PRDM16: variants seen among roughly 807,000 people sequenced by gnomAD.
The protein encoded by PRDM16 is PR/SET domain 16, also known as histone-lysine N-methyltransferase PRDM16.
PRDM16 carries 23 observed loss-of-function variants against 110.6 expected under a neutral mutation model. The ratio of observed to expected loss-of-function variants is 0.21; its 90% confidence interval spans 0.15 to 0.29. The LOEUF is 0.29. Among genes scored for constraint, PRDM16 ranks in the 10% least tolerant of loss-of-function variants. The probability of loss-of-function intolerance (pLI) is 1.00; values close to 1 mark genes in which losing one functional copy is unlikely to be tolerated. For synonymous variants in PRDM16, 799 were observed against 781.8 expected (o/e 1.02, Z -0.37); for missense variants, 1,615 against 1,794.3 (o/e 0.90, Z 1.81).
At chr1:3,262,107 T>C (rs1640176459) in intron 3 of PRDM16, among the ~76,000 whole-genome samples, 2 of 152,224 alleles carry the variant, frequency 1.3e-5, no homozygotes, top group African/African-American at 4.8e-5. Flanking sequence ...GTAGTACCCA[T>C]TCTACAGGTG....
chr1:3,399,942 T>C (rs1336394202), intron 5 of PRDM16, among the ~76,000 whole-genome samples: 2 of 152,164 alleles, frequency 1.3e-5, no homozygotes, highest in African/African-American at 4.8e-5. Flanking sequence ...GCTTCCCAGG[T>C]CTGCGGGTTG....
chr1:3,135,967 G>C (rs1033869549), intron 1 of PRDM16, among the ~76,000 whole-genome samples: 2 of 152,168 alleles, frequency 1.3e-5, no homozygotes, highest in African/African-American at 2.4e-5. Flanking sequence ...GGAGAGCCTG[G>C]GCGTCTCCCT....
chr1:3,099,547 G>C (rs1167933942), intron 1 of PRDM16, among the ~76,000 whole-genome samples: 1 of 152,250 alleles, frequency 6.6e-6, no homozygotes, highest in African/African-American at 2.4e-5. Flanking sequence ...GGACTGGCTG[G>C]TGCTGGGCTG....
intron 1 of PRDM16, among the ~76,000 whole-genome samples, chr1:3,105,625 G>A (rs1442041856): frequency 6.6e-6 from 1 of 152,230 alleles, no homozygotes; most frequent in Admixed American, 6.5e-5. Flanking sequence ...TTAGTATTGC[G>A]GGATGAATAG....
intron 14 of PRDM16, among the ~76,000 whole-genome samples, chr1:3,428,480 G>A (rs971230603): frequency 2.0e-5 from 3 of 152,204 alleles, no homozygotes; most frequent in African/African-American, 7.2e-5. Context: ...GGGCACAGCC[G>A]GCCTCAGACG....
chr1:3,297,280 ATT>A (rs34666813), intron 3 of PRDM16, among the ~76,000 whole-genome samples: 50,534 of 120,818 alleles, frequency 0.42, 10,270 homozygotes, highest in Non-Finnish European at 0.5. Context: ...GGTGAGAGGA[ATT>A]TTTTTTTTTT....
intron 2 of PRDM16, among the ~76,000 whole-genome samples, chr1:3,241,001 C>T (rs1639659066): frequency 1.3e-5 from 2 of 152,222 alleles, no homozygotes; most frequent in Admixed American, 1.3e-4. Context: ...GAGGAGCCAG[C>T]GGCGCGTGTG....
rs538691973 is a variant in PRDM16, at chr1:3,265,943, G to C, written c.438+21806G>C. ...GGTGCGTGTCTCATAAAGCCCAGGA[G>C]GGCGAGGCCAGGCCCAGCCCCCAAC... is the stretch of plus-strand genomic sequence containing the variant. On this transcript the variant is annotated intron_variant, in intron 3 of 16. Transcript: ENST00000270722. The surrounding 1 kb of genome is among the most constrained non-coding windows in gnomAD (Gnocchi z 4.5). Among the ~76,000 whole-genome samples, 2 of 152,116 alleles carry C rather than the reference G, an allele frequency of 1.3e-5. No homozygotes were observed. The highest frequency in any genetic ancestry group is 6.5e-5 in the Admixed American group (1 of 15,286).
At chr1:3,129,013 T>C (rs1452844486) in intron 1 of PRDM16, among the ~76,000 whole-genome samples, 1 of 152,154 alleles carries the variant, frequency 6.6e-6, no homozygotes, top group Non-Finnish European at 1.5e-5. Flanking sequence ...GTGTGGTCGC[T>C]GCTCCCCTAG....
At chr1:3,231,101 T>C (rs138580752) in intron 2 of PRDM16, among the ~76,000 whole-genome samples, 140 of 152,304 alleles carry the variant, frequency 9.2e-4, no homozygotes, top group African/African-American at 3.2e-3. Context: ...GCCTCCAATG[T>C]AAAAGTCCAG....
chr1:3,243,709 G>A lies in PRDM16; in HGVS notation c.388-378G>A, dbSNP rs954011744. Among the ~76,000 whole-genome samples, 6 of 152,212 alleles carry A rather than the reference G, an allele frequency of 3.9e-5. No homozygotes were observed. The highest frequency in any genetic ancestry group is 1.4e-4 in the African/African-American group (6 of 41,444). On this transcript the variant is annotated intron_variant, in intron 2 of 16. Coordinates refer to ENST00000270722, the MANE Select transcript of PRDM16 (RefSeq NM_022114.4). The surrounding 1 kb of genome is among the most constrained non-coding windows in gnomAD (Gnocchi z 5.5). The stretch of plus-strand genomic sequence containing the variant: ...CAAATAGAGTCTGTTCACCATCCAG[G>A]GTGTCCATGCGCTCCTCCCAGATGG...
chr1:3,246,438 G>A lies in PRDM16; in HGVS notation c.438+2301G>A, dbSNP rs1402399513. Among the ~76,000 whole-genome samples the A allele has an allele frequency of 2.0e-5, 3 of 152,190 alleles. No homozygotes were observed. Among genetic ancestry groups the A allele is most frequent in the Admixed American group, 6.5e-5 (1 of 15,290 alleles). On this transcript the variant is annotated intron_variant, in intron 3 of 16. Coordinates refer to ENST00000270722, the MANE Select transcript of PRDM16 (RefSeq NM_022114.4). The surrounding 1 kb of genome is among the most constrained non-coding windows in gnomAD (Gnocchi z 5.2). ...ACGAGACCCCCCACGGCACCGCCGC[G>A]ACTGCAGGGAGCTCAGCGCAGGGTA...
At chr1:3,229,177 C>T (rs1639354451) in intron 2 of PRDM16, among the ~76,000 whole-genome samples, 1 of 152,158 alleles carries the variant, frequency 6.6e-6, no homozygotes, top group Non-Finnish European at 1.5e-5. Context: ...AGGGTCATGG[C>T]GAGAGGAAGG....
chr1:3,358,820 G>A lies in PRDM16; in HGVS notation c.439-26332G>A, dbSNP rs980471294. Among the ~76,000 whole-genome samples the A allele has an allele frequency of 6.6e-6, 1 of 152,192 alleles. No individual in the cohort carries two copies. Among genetic ancestry groups the A allele is most frequent in the Non-Finnish European group, 1.5e-5 (1 of 68,050 alleles). On this transcript the variant is annotated intron_variant, in intron 3 of 16. Transcript: ENST00000270722. This position sits in a 1 kb window ranked among gnomAD's most constrained non-coding sequence, Gnocchi z 4.0. Reference sequence around the variant, plus strand: ...CACAGTGTGTGATGATTCCTGCCGGGGAGGAGGGAGCTCATTCCAAACTCA... The same window carrying A: ...CACAGTGTGTGATGATTCCTGCCGGAGAGGAGGGAGCTCATTCCAAACTCA...
chr1:3,303,460 G>A (rs917594099), intron 3 of PRDM16, among the ~76,000 whole-genome samples: 23 of 152,226 alleles, frequency 1.5e-4, no homozygotes, highest in Non-Finnish European at 3.1e-4. Context: ...TTCTGTCTGC[G>A]TCCAAATGTC....
At chr1:3,150,275 G>A (rs115328398) in intron 1 of PRDM16, among the ~76,000 whole-genome samples, 3,962 of 152,192 alleles carry the variant, frequency 0.026, 190 homozygotes, top group African/African-American at 0.09. Flanking sequence ...GAGGTTTGGG[G>A]CCGGGCATAG....
chr1:3,324,255 G>A (rs2100467037), intron 3 of PRDM16, among the ~76,000 whole-genome samples: 1 of 152,188 alleles, frequency 6.6e-6, no homozygotes, highest in Non-Finnish European at 1.5e-5. Context: ...GGAGCCCCAA[G>A]GAGGGGGCTC....
At chr1:3,409,766 T>TGTGG (rs1643640593) in intron 8 of PRDM16, among the ~76,000 whole-genome samples, 1 of 139,150 alleles carries the variant, frequency 7.2e-6, no homozygotes, top group Non-Finnish European at 1.6e-5. Flanking sequence ...TGTGAGTGTG[T>TGTGG]GTGGTTGTGT....
intron 3 of PRDM16, among the ~76,000 whole-genome samples, chr1:3,258,778 T>C (rs1453336418): frequency 1.3e-5 from 2 of 152,200 alleles, no homozygotes; most frequent in African/African-American, 4.8e-5. Flanking sequence ...CACACCGGGT[T>C]AGAGGGGAAG....
Sources: gnomAD v4.1 joint callset for allele counts (sites outside exome capture counted in the v4.1 genomes callset) on GRCh38, gnomAD v4.1.1 for gene constraint, Gnocchi (gnomAD v3.1) non-coding constraint, MANE v1.5 for transcripts, NCBI Gene and HGNC (gene_info 2026-07-23, HGNC 2026-07-21) for gene names.